Variants in FYN observed in about 807,000 individuals in gnomAD.
The protein encoded by FYN is FYN proto-oncogene, Src family tyrosine kinase, also known as tyrosine-protein kinase Fyn.
Under a neutral mutation model 70.2 loss-of-function variants are expected in FYN, and 10 were observed. The observed-to-expected ratio is 0.14, with a 90% CI of 0.09 to 0.24. FYN has a LOEUF of 0.24. Among genes scored for constraint, FYN ranks in the 10% least tolerant of loss-of-function variants. The pLI is 1.00. For missense variants in FYN, 319 were observed against 673.1 expected (o/e 0.47, Z 5.82); for synonymous variants, 236 against 248.6 (o/e 0.95, Z 0.48).
At chr6:111,665,239 G>A (rs1165992486) in intron 13 of FYN, among the ~76,000 whole-genome samples, 1 of 152,176 alleles carries the variant, frequency 6.6e-6, no homozygotes, top group Non-Finnish European at 1.5e-5. Flanking sequence ...AGAAGCTCCA[G>A]ATTTTGGTGC....
intron 1 of FYN, among the ~76,000 whole-genome samples, chr6:111,869,237 C>G (rs1246625982): frequency 6.6e-6 from 1 of 152,224 alleles, no homozygotes; most frequent in African/African-American, 2.4e-5. Flanking sequence ...ACAAAGAGGG[C>G]AGCTGAGTGA....
At chr6:111,790,137 C>T (rs1771557379) in intron 2 of FYN, among the ~76,000 whole-genome samples, 1 of 151,440 alleles carries the variant, frequency 6.6e-6, no homozygotes, top group Non-Finnish European at 1.5e-5. Context: ...ACAATTATGC[C>T]AAAAGATATC....
chr6:111,708,140 C>T, intron 5 of FYN, 120 bp from the exon 6 acceptor site: 1 of 735,568 alleles, frequency 1.4e-6, no homozygotes, highest in Middle Eastern at 2.6e-4. Context: ...TTTCTCCAAC[C>T]TATTCCTTTA....
At chr6:111,871,470 T>C (rs2114256164) in intron 1 of FYN, among the ~76,000 whole-genome samples, 1 of 152,336 alleles carries the variant, frequency 6.6e-6, no homozygotes, top group East Asian at 1.9e-4. Context: ...CAAGAGGCAG[T>C]CTGCAGTGGT....
chr6:111,711,984 G>C (rs1161467261), intron 5 of FYN, among the ~76,000 whole-genome samples: 4 of 152,174 alleles, frequency 2.6e-5, no homozygotes. Context: ...AACAGGGTTG[G>C]AGGCTCAAAG....
At chr6:111,820,261 T>C (rs187385683) in intron 2 of FYN, among the ~76,000 whole-genome samples, 2 of 152,350 alleles carry the variant, frequency 1.3e-5, no homozygotes, top group Admixed American at 1.3e-4. Context: ...TATGCATTTA[T>C]ATTCCCTTTA....
chr6:111,776,213 A>C (rs184155156), intron 3 of FYN, among the ~76,000 whole-genome samples: 3 of 152,292 alleles, frequency 2.0e-5, no homozygotes, highest in Admixed American at 2.0e-4. Context: ...CCTGGGTCAC[A>C]AGCCAACAGC....
intron 3 of FYN, among the ~76,000 whole-genome samples, chr6:111,726,701 C>T (rs966657285): frequency 2.0e-5 from 3 of 152,156 alleles, no homozygotes; most frequent in African/African-American, 4.8e-5. Flanking sequence ...CAATATCTCA[C>T]ACATTATGAT....
At chr6:111,805,920 T>C (rs1319291667) in intron 2 of FYN, among the ~76,000 whole-genome samples, 1 of 152,200 alleles carries the variant, frequency 6.6e-6, no homozygotes, top group Non-Finnish European at 1.5e-5. Flanking sequence ...GCTCTCACAG[T>C]AGTTCCTCCA....
intron 12 of FYN, among the ~76,000 whole-genome samples, chr6:111,678,106 A>ATGTGTGTGTGTGTGTGTGTG (rs201367268): frequency 2.5e-5 from 3 of 118,552 alleles, no homozygotes; most frequent in African/African-American, 1.3e-4. Context: ...GAAGGCCATA[A>ATGTGTGTGTGTGTGTGTGTG]TATGTGTGTG....
At chr6:111,665,399 A>C (rs1797948035) in intron 13 of FYN, among the ~76,000 whole-genome samples, 2 of 152,140 alleles carry the variant, frequency 1.3e-5, no homozygotes, top group African/African-American at 4.8e-5. Flanking sequence ...AGATAGGTCT[A>C]CTTCATTTTT....
At chr6:111,824,647 C>T (rs1160681906) in intron 2 of FYN, among the ~76,000 whole-genome samples, 2 of 152,174 alleles carry the variant, frequency 1.3e-5, no homozygotes, top group Non-Finnish European at 2.9e-5. Flanking sequence ...TTGCTTTACT[C>T]TCCCCCAGTC....
In FYN at chr6:111,727,377, T is replaced by C. The variant is rs745313767; in HGVS notation, c.-11-7315A>G. ...TAAAAATCAGCTTTCCTATTGCACT[T>C]AAAATATGATTTGCTTTACAGGCAA... is the stretch of plus-strand genomic sequence containing the variant. On this transcript the variant is annotated intron_variant, in intron 3 of 13. Transcript: ENST00000354650. Among the ~76,000 whole-genome samples, 56 of 152,336 alleles carry C rather than the reference T, an allele frequency of 3.7e-4. No individual in the cohort carries two copies. In the Middle Eastern group the frequency reaches 0.014, roughly 37 times the overall value.
At chr6:111,809,811 G>T (rs1772267074) in intron 2 of FYN, among the ~76,000 whole-genome samples, 2 of 151,960 alleles carry the variant, frequency 1.3e-5, no homozygotes, top group South Asian at 4.1e-4. Context: ...AAATTTAGTA[G>T]AAAAAATAAA....
chr6:111,801,362 A>T (rs976805621), intron 2 of FYN, among the ~76,000 whole-genome samples: 9 of 152,162 alleles, frequency 5.9e-5, no homozygotes, highest in African/African-American at 2.2e-4. Flanking sequence ...CACCGTGTAC[A>T]TTTTATTTAG....
intron 13 of FYN, among the ~76,000 whole-genome samples, chr6:111,668,282 AAG>A (rs1798101197): frequency 6.6e-6 from 1 of 152,208 alleles, no homozygotes; most frequent in Non-Finnish European, 1.5e-5. Flanking sequence ...ATGCTGATGG[AAG>A]AGTGTGGATG....
intron 12 of FYN, among the ~76,000 whole-genome samples, chr6:111,681,670 T>A (rs1798786330): frequency 6.6e-6 from 1 of 152,138 alleles, no homozygotes; most frequent in Admixed American, 6.5e-5. Flanking sequence ...CCTTCACTAA[T>A]CTCTCCAATG....
intron 3 of FYN, among the ~76,000 whole-genome samples, chr6:111,779,430 A>C (rs929994119): frequency 4.6e-5 from 7 of 152,198 alleles, no homozygotes; most frequent in Non-Finnish European, 1.0e-4. Context: ...GAAAGTTTAA[A>C]TATGGCAACT....
chr6:111,859,887 GA>G (rs1773914323), intron 1 of FYN, among the ~76,000 whole-genome samples: 1 of 152,212 alleles, frequency 6.6e-6, no homozygotes. Context: ...ATCAAGATAA[GA>G]ATATCCCATA....
Sources: gnomAD v4.1 joint callset for allele counts (sites outside exome capture counted in the v4.1 genomes callset) on GRCh38, gnomAD v4.1.1 for gene constraint, MANE v1.5 for transcripts, NCBI Gene and HGNC (gene_info 2026-07-23, HGNC 2026-07-21) for gene names.